Variants in KIAA0319L observed in about 807,000 individuals in gnomAD.
KIAA0319L encodes dyslexia-associated protein KIAA0319-like protein.
KIAA0319L carries 55 observed loss-of-function variants against 120.1 expected under a neutral mutation model. That is an observed-to-expected ratio of 0.46 (90% confidence interval 0.37 to 0.57). The LOEUF (loss-of-function observed/expected upper bound fraction) is 0.57, where lower values mean the gene tolerates loss of function less well. Ranked by LOEUF, KIAA0319L falls within the 20% of genes least tolerant of loss-of-function variation. The probability of loss-of-function intolerance (pLI) is 0.00; values close to 1 mark genes in which losing one functional copy is unlikely to be tolerated. For synonymous variants in KIAA0319L, 398 were observed against 471.9 expected, an observed-to-expected ratio of 0.84 and a Z score of 2.03; for missense variants, 1,049 against 1,255.3, an observed-to-expected ratio of 0.84 and a Z score of 2.48.
chr1:35,449,806 A>T (rs931360593), intron 15 of KIAA0319L, 61 bp downstream of exon 15: 1 of 1,589,802 alleles, frequency 6.3e-7, no homozygotes, highest in African/African-American at 1.3e-5. Context: ...GGATCTCAGG[A>T]TAGAGGCCTT....
At chr1:35,471,307 G>C (rs1041099854) in intron 5 of KIAA0319L, among the ~76,000 whole-genome samples, 2 of 152,066 alleles carry the variant, frequency 1.3e-5, no homozygotes, top group Non-Finnish European at 2.9e-5. Flanking sequence ...AACTCATTGG[G>C]AACAAAGGCC....
intron 7 of KIAA0319L, 97 bp downstream of exon 7, chr1:35,466,511 A>C: frequency 1.3e-6 from 1 of 763,292 alleles, no homozygotes; most frequent in South Asian, 1.7e-5. Context: ...AATACATTAC[A>C]AAAAAAATGA....
At chr1:35,488,483 T>G (rs1421108656) in intron 3 of KIAA0319L, among the ~76,000 whole-genome samples, 1 of 152,164 alleles carries the variant, frequency 6.6e-6, no homozygotes, top group East Asian at 1.9e-4. Context: ...TTACAGGAAG[T>G]TATGTTTTAG....
Position 35,444,185 on chromosome 1 carries a change from T to C in KIAA0319L, c.2632A>G (p.Arg878Gly). Residue 878 changes from arginine to glycine, a missense_variant, in exon 17 of 21, where the codon AGA becomes GGA. Coordinates refer to ENST00000325722, the MANE Select transcript of KIAA0319L (RefSeq NM_024874.5). ...CTGACAGTGTTGACTTCCAAGGCTC[T>C]GAATATCAAAAAGTCTGCCTTTTGC... ...RKQKADFLIF[R>G]ALEVNTVTCQ... 1 of 1,606,682 alleles carries C rather than the reference T, an allele frequency of 6.2e-7. No individual in the cohort carries two copies. The highest frequency in any genetic ancestry group is 8.5e-7 in the Non-Finnish European group (1 of 1,177,168).
chr1:35,479,152 C>T lies in KIAA0319L; in HGVS notation c.727G>A (p.Gly243Ser), dbSNP rs1392071310. The change falls in exon 4 of 21, where the codon GGT becomes AGT. Residue 243 changes from glycine (G) to serine (S), a missense_variant. Physicochemically the swap from Gly to Ser is moderately conservative, Grantham distance 56. Coordinates refer to ENST00000325722, the MANE Select transcript of KIAA0319L (RefSeq NM_024874.5). ...TGCACTGATACATTCTTTGGCCCAC[C>T]AGACAGCTCTGCAGTCAGGTCTGTG... ...LTTDLTAELSGGPKNVSVQPE... is the reference protein window; with the variant it reads ...LTTDLTAELSSGPKNVSVQPE... The T allele has an allele frequency of 6.2e-7, 1 of 1,613,944 alleles. No homozygotes were observed. The highest frequency in any genetic ancestry group is 1.7e-5 in the Admixed American group (1 of 60,026).
chr1:35,476,047 C>G (rs1643889416), intron 4 of KIAA0319L, among the ~76,000 whole-genome samples: 1 of 152,220 alleles, frequency 6.6e-6, no homozygotes, highest in Non-Finnish European at 1.5e-5. Flanking sequence ...CAGACCATTT[C>G]AGTTCAAACT....
At chr1:35,488,213 C>A (rs1644460314) in intron 3 of KIAA0319L, among the ~76,000 whole-genome samples, 1 of 152,274 alleles carries the variant, frequency 6.6e-6, no homozygotes, top group South Asian at 2.1e-4. Flanking sequence ...TTTCCAGTAT[C>A]TTTTAATACA....
chr1:35,530,793 T>C (rs899271965), intron 2 of KIAA0319L, among the ~76,000 whole-genome samples: 20 of 152,172 alleles, frequency 1.3e-4, no homozygotes, highest in African/African-American at 4.8e-4. Context: ...TTGGCTTTGA[T>C]TCTGGATGCA....
intron 20 of KIAA0319L, chr1:35,438,631 T>TG (rs1403968407): frequency 6.6e-6 from 1 of 151,062 alleles, no homozygotes; most frequent in Non-Finnish European, 1.5e-5. Context: ...TCTCCTGCCT[T>TG]GGCCTCTCGA....
chr1:35,456,709 GC>G (rs1642477861), intron 9 of KIAA0319L, among the ~76,000 whole-genome samples: 1 of 152,022 alleles, frequency 6.6e-6, no homozygotes, highest in Non-Finnish European at 1.5e-5. Context: ...TACTTGGGAG[GC>G]TGAGGCAAGA....
intron 2 of KIAA0319L, among the ~76,000 whole-genome samples, chr1:35,549,700 T>C (rs1011871901): frequency 1.3e-5 from 2 of 152,234 alleles, no homozygotes; most frequent in African/African-American, 4.8e-5. Flanking sequence ...TATGTGTTAA[T>C]ATATTTGTTA....
intron 2 of KIAA0319L, among the ~76,000 whole-genome samples, chr1:35,550,441 A>G (rs1376840066): frequency 6.6e-6 from 1 of 152,212 alleles, no homozygotes; most frequent in Non-Finnish European, 1.5e-5. Context: ...TTTTGCTGTT[A>G]TTATTTTGTT....
chr1:35,458,086 C>T (rs1233189630), intron 9 of KIAA0319L, among the ~76,000 whole-genome samples: 2 of 152,166 alleles, frequency 1.3e-5, no homozygotes, highest in African/African-American at 2.4e-5. Context: ...CAGCTACCTG[C>T]CACCATGCTC....
chr1:35,550,068 T>C (rs1053279008), intron 2 of KIAA0319L, among the ~76,000 whole-genome samples: 7 of 152,154 alleles, frequency 4.6e-5, no homozygotes, highest in African/African-American at 1.7e-4. Context: ...AACAGAAAAA[T>C]AGCCATTCCA....
Position 35,463,813 on chromosome 1 carries a change from A to G in KIAA0319L, c.1202-1100T>C, listed in dbSNP as rs143648144. Among the ~76,000 whole-genome samples, 205 of 152,286 alleles carry G rather than the reference A, an allele frequency of 1.3e-3. 3 individuals are homozygous for G. The South Asian group carries it at 0.014, about 10-fold the overall frequency. On this transcript the variant is annotated intron_variant, in intron 7 of 20. Transcript: ENST00000325722. ...CCACAATTCCCACCTCATGGGAGGA[A>G]CCTGGTGGGAGGTGATTAAATTATG... is the stretch of plus-strand genomic sequence containing the variant.
At chr1:35,465,697 C>T (rs1643209704) in intron 7 of KIAA0319L, among the ~76,000 whole-genome samples, 1 of 152,082 alleles carries the variant, frequency 6.6e-6, no homozygotes. Flanking sequence ...TTGGCTGTGT[C>T]CCCACCCAAA....
intron 2 of KIAA0319L, among the ~76,000 whole-genome samples, chr1:35,512,180 G>A (rs1413800692): frequency 1.3e-5 from 2 of 151,984 alleles, no homozygotes; most frequent in African/African-American, 4.8e-5. Flanking sequence ...TGAGGCAGAA[G>A]GATTGCTGGA....
At chr1:35,479,966 A>AAAAC (rs1553203229) in intron 3 of KIAA0319L, among the ~76,000 whole-genome samples, 1,887 of 130,280 alleles carry the variant, frequency 0.014, 30 homozygotes, top group African/African-American at 0.049. Context: ...AAAAAAAAAA[A>AAAAC]AAAAAACACA....
chr1:35,450,649 CAACA>C (rs1161268960), intron 13 of KIAA0319L, 140 bp from the exon 14 acceptor site: 1 of 748,504 alleles, frequency 1.3e-6, no homozygotes, highest in African/African-American at 1.8e-5. Flanking sequence ...TGCCACCAAC[CAACA>C]GTGTAGATGA....
Sources: gnomAD v4.1 joint callset for allele counts (sites outside exome capture counted in the v4.1 genomes callset) on GRCh38, gnomAD v4.1.1 for gene constraint, MANE v1.5 for transcripts, NCBI Gene and HGNC (gene_info 2026-07-23, HGNC 2026-07-21) for gene names.